NEK11: variants seen among roughly 807,000 people sequenced by gnomAD.
NEK11 encodes NIMA related kinase 11.
Under a neutral mutation model 80.7 loss-of-function variants are expected in NEK11, and 72 were observed. The observed-to-expected ratio is 0.89, with a 90% CI of 0.74 to 1.08. The LOEUF (loss-of-function observed/expected upper bound fraction) is 1.08, where lower values mean the gene tolerates loss of function less well. Ranked by LOEUF, NEK11 falls within the 50% of genes least tolerant of loss-of-function variation. The probability of loss-of-function intolerance (pLI) is 0.00; values close to 1 mark genes in which losing one functional copy is unlikely to be tolerated. For synonymous variants in NEK11, 251 were observed against 260.7 expected (o/e 0.96, Z 0.36); for missense variants, 764 against 763.6 (o/e 1.00, Z -0.01).
At chr3:131,134,538 C>G (rs990402680) in intron 7 of NEK11, among the ~76,000 whole-genome samples, 1 of 147,682 alleles carries the variant, frequency 6.8e-6, no homozygotes, top group African/African-American at 2.4e-5. Flanking sequence ...GTAGCTGGGA[C>G]TACAGGCTCC....
At chr3:131,198,718 G>C (rs2094120081) in intron 14 of NEK11, among the ~76,000 whole-genome samples, 1 of 152,130 alleles carries the variant, frequency 6.6e-6, no homozygotes, top group Non-Finnish European at 1.5e-5. Flanking sequence ...TGTTTTTTCT[G>C]TGACTTATAA....
intron 16 of NEK11, among the ~76,000 whole-genome samples, chr3:131,257,038 A>G (rs1471733783): frequency 2.6e-5 from 4 of 152,030 alleles, no homozygotes; most frequent in Admixed American, 1.3e-4. Context: ...GTGCTGGAGT[A>G]CAGTGGCACA....
chr3:131,063,534 G>T (rs1032529298), intron 3 of NEK11, among the ~76,000 whole-genome samples: 1 of 152,114 alleles, frequency 6.6e-6, no homozygotes, highest in Non-Finnish European at 1.5e-5. Context: ...GCAAGAAAAA[G>T]GATACAGAGA....
intron 14 of NEK11, among the ~76,000 whole-genome samples, chr3:131,172,176 C>T (rs944520730): frequency 6.6e-6 from 1 of 152,136 alleles, no homozygotes; most frequent in Non-Finnish European, 1.5e-5. Flanking sequence ...AGTAGCCCAT[C>T]GGGAGGCATC....
chr3:131,086,846 T>C (rs1432722033), intron 4 of NEK11, among the ~76,000 whole-genome samples: 1 of 152,216 alleles, frequency 6.6e-6, no homozygotes, highest in Non-Finnish European at 1.5e-5. Context: ...AATGTGATGA[T>C]ATGATTATTT....
At chr3:131,120,384 C>T (rs929482352) in intron 5 of NEK11, among the ~76,000 whole-genome samples, 1 of 152,090 alleles carries the variant, frequency 6.6e-6, no homozygotes, top group East Asian at 1.9e-4. Flanking sequence ...GTGGGTAACC[C>T]GACCTTTCAC....
chr3:131,305,223 A>C (rs1221024435), intron 17 of NEK11, among the ~76,000 whole-genome samples: 1 of 152,014 alleles, frequency 6.6e-6, no homozygotes, highest in Non-Finnish European at 1.5e-5. Context: ...TAAGAAGGTC[A>C]TTGGTGAGTG....
At chr3:131,188,004 T>C (rs1020645517) in intron 14 of NEK11, among the ~76,000 whole-genome samples, 6 of 152,162 alleles carry the variant, frequency 3.9e-5, no homozygotes, top group African/African-American at 1.4e-4. Flanking sequence ...CAGTCATTAG[T>C]GACATCTAGG....
chr3:131,234,318 C>T (rs2095391124), intron 15 of NEK11, among the ~76,000 whole-genome samples: 1 of 152,144 alleles, frequency 6.6e-6, no homozygotes, highest in Non-Finnish European at 1.5e-5. Flanking sequence ...AGTAGTGGGA[C>T]TTATTTGCCT....
At chr3:131,085,873 G>A (rs990967232) in intron 4 of NEK11, among the ~76,000 whole-genome samples, 2 of 152,034 alleles carry the variant, frequency 1.3e-5, no homozygotes, top group African/African-American at 4.8e-5. Context: ...ATTGCATTTA[G>A]TTCTATTTCT....
chr3:131,331,784 C>G (rs1199117290), intron 17 of NEK11, among the ~76,000 whole-genome samples: 1 of 152,226 alleles, frequency 6.6e-6, no homozygotes, highest in African/African-American at 2.4e-5. Flanking sequence ...TTCCGACGGG[C>G]TTAAAAAACG....
intron 5 of NEK11, among the ~76,000 whole-genome samples, chr3:131,114,137 T>C (rs2080618190): frequency 6.6e-6 from 1 of 152,110 alleles, no homozygotes; most frequent in African/African-American, 2.4e-5. Flanking sequence ...TGTAAATGTA[T>C]AATCTATGTT....
At chr3:131,182,082 T>A (rs1386000155) in intron 14 of NEK11, among the ~76,000 whole-genome samples, 3 of 149,050 alleles carry the variant, frequency 2.0e-5, no homozygotes, top group African/African-American at 7.4e-5. Context: ...AAGTGAGAGA[T>A]CCCCTAGAAT....
chr3:131,258,817 A>T lies in NEK11; in HGVS notation c.1622-14661A>T, dbSNP rs535294388. On this transcript the variant is annotated intron_variant, in intron 16 of 17. Transcript: ENST00000383366. ...GGTATTTATCATATTTCCTATAAGT[A>T]GCAAGTTTGCTTTTCCCAAGTTGAT... Among the ~76,000 whole-genome samples the T allele has an allele frequency of 6.6e-5, 10 of 152,312 alleles. No homozygotes were observed. In the South Asian group the frequency reaches 1.9e-3, roughly 28 times the overall value.
Position 131,333,995 on chromosome 3 carries a change from T to A in NEK11, c.1719-15562T>A, listed in dbSNP as rs567898480. Among the ~76,000 whole-genome samples, 589 of 151,528 alleles carry A rather than the reference T, an allele frequency of 3.9e-3. 16 individuals carry two copies. The highest frequency in any genetic ancestry group is 0.034 in the Admixed American group (511 of 15,236). ...AGTCCTGAGTGACCTACAGAGAGACTTAGACTCCCACACAATAATAATGGG... is the reference window on the plus strand; with the variant it reads ...AGTCCTGAGTGACCTACAGAGAGACATAGACTCCCACACAATAATAATGGG... On this transcript the variant is annotated intron_variant, in intron 17 of 17. Transcript: ENST00000383366.
At chr3:131,043,580 A>G (rs1379546634) in intron 3 of NEK11, among the ~76,000 whole-genome samples, 1 of 152,232 alleles carries the variant, frequency 6.6e-6, no homozygotes, top group African/African-American at 2.4e-5. Context: ...AATGAAAAGT[A>G]ATGAACAAAG....
At chr3:131,117,223 T>A (rs1331797708) in intron 5 of NEK11, among the ~76,000 whole-genome samples, 2 of 152,208 alleles carry the variant, frequency 1.3e-5, no homozygotes, top group Non-Finnish European at 2.9e-5. Context: ...CACCATTTAT[T>A]AAAGAGGGAA....
chr3:131,027,215 A>C (rs2063997245), intron 1 of NEK11: 1 of 152,212 alleles, frequency 6.6e-6, no homozygotes, highest in Non-Finnish European at 1.5e-5. Context: ...AAATGTTTAA[A>C]AAGGTGAAGA....
chr3:131,057,830 T>C (rs1259039397), intron 3 of NEK11, among the ~76,000 whole-genome samples: 8 of 152,100 alleles, frequency 5.3e-5, no homozygotes, highest in African/African-American at 1.9e-4. Flanking sequence ...TTCTCCCATT[T>C]TGTAGGTTGC....
Sources: allele counts gnomAD v4.1 joint callset (sites outside exome capture counted in the v4.1 genomes callset), GRCh38; gene constraint gnomAD v4.1.1; transcripts MANE v1.5; gene names NCBI Gene and HGNC (gene_info 2026-07-23, HGNC 2026-07-21).